The following INPP5D variants were observed in gnomAD, a reference collection of about 807,000 sequenced individuals.
The protein encoded by INPP5D is inositol polyphosphate-5-phosphatase D, also known as phosphatidylinositol 3,4,5-trisphosphate 5-phosphatase 1.
Under a neutral mutation model 122.9 loss-of-function variants are expected in INPP5D, and 33 were observed. That is an observed-to-expected ratio of 0.27 (90% CI 0.20 to 0.36). The LOEUF (loss-of-function observed/expected upper bound fraction) is 0.36. Ranked by LOEUF, INPP5D falls within the 10% of genes least tolerant of loss-of-function variation. The pLI is 1.00. For synonymous variants in INPP5D, 584 were observed against 576.2 expected, an observed-to-expected ratio of 1.01 and a Z score of -0.19; for missense variants, 1,053 against 1,412.7, an observed-to-expected ratio of 0.75 and a Z score of 4.08.
At chr2:233,173,258 C>A (rs962172716) in intron 17 of INPP5D, among the ~76,000 whole-genome samples, 5 of 151,274 alleles carry the variant, frequency 3.3e-5, no homozygotes, top group Non-Finnish European at 7.4e-5. Context: ...GGGCACTTAC[C>A]ATGAATGAAG....
intron 1 of INPP5D, among the ~76,000 whole-genome samples, chr2:233,062,095 C>G (rs755563963): frequency 6.6e-6 from 1 of 152,246 alleles, no homozygotes; most frequent in South Asian, 2.1e-4. Flanking sequence ...TTAGAAGGAG[C>G]AGGAAGATTC....
rs1228034383 is a variant in INPP5D, at chr2:233,204,661, G to C, written c.3511G>C (p.Gly1171Arg). ...YRDNTELPHH[G>R]KHRPEEGPPG... The stretch of plus-strand genomic sequence containing the variant: ...CGACAACACCGAGCTCCCGCATCAC[G>C]GCAAGCACCGGCCGGAGGAGGGGCC... The change falls in exon 26 of 27, where the codon GGC (glycine) becomes CGC (arginine). Residue 1171 changes from glycine (G) to arginine (R), a missense_variant. Gly to Arg is a moderately radical substitution (Grantham distance 125). Coordinates refer to ENST00000445964, the MANE Select transcript of INPP5D (RefSeq NM_001017915.3). 1.3e-6 allele frequency: 2 copies of C among 1,578,016 alleles called. No individual in the cohort carries two copies. Among genetic ancestry groups the C allele is most frequent in the Admixed American group, 3.5e-5 (2 of 56,426 alleles).
chr2:233,117,197 G>A (rs548764812), intron 2 of INPP5D, among the ~76,000 whole-genome samples: 28 of 152,244 alleles, frequency 1.8e-4, no homozygotes, highest in South Asian at 8.3e-4. Flanking sequence ...AATGGGGAAC[G>A]AAGTGTGGCA....
chr2:233,127,769 C>G (rs1267310653), intron 4 of INPP5D, among the ~76,000 whole-genome samples: 1 of 152,188 alleles, frequency 6.6e-6, no homozygotes, highest in Non-Finnish European at 1.5e-5. Flanking sequence ...CCACCACAAC[C>G]AGCTAATTTT....
chr2:233,157,956 C>A (rs1379952866), intron 9 of INPP5D, among the ~76,000 whole-genome samples: 2 of 147,972 alleles, frequency 1.4e-5, no homozygotes, highest in East Asian at 2.0e-4. Flanking sequence ...AAAAACAAAG[C>A]AAAAGAAGGA....
intron 5 of INPP5D, among the ~76,000 whole-genome samples, chr2:233,134,377 G>A (rs1397319918): frequency 6.6e-6 from 1 of 151,934 alleles, no homozygotes; most frequent in South Asian, 2.1e-4. Context: ...ATAGAGCCAG[G>A]CTCAAGATTT....
At chr2:233,169,008 T>C in intron 13 of INPP5D, 1 of 359,490 alleles carries the variant, frequency 2.8e-6, no homozygotes, top group Non-Finnish European at 5.3e-6. Flanking sequence ...TCCCAGGGCT[T>C]CTGGCTGCCC....
chr2:233,123,141 C>G (rs1693041354), intron 3 of INPP5D, among the ~76,000 whole-genome samples: 1 of 151,906 alleles, frequency 6.6e-6, no homozygotes, highest in African/African-American at 2.4e-5. Flanking sequence ...AAATACAACC[C>G]CTAAAAATAT....
At chr2:233,093,142 T>G (rs546423333) in intron 2 of INPP5D, among the ~76,000 whole-genome samples, 3 of 152,362 alleles carry the variant, frequency 2.0e-5, no homozygotes, top group Non-Finnish European at 4.4e-5. Context: ...CTCTCTTGTC[T>G]AATCTTTCTT....
Position 233,197,205 on chromosome 2 carries a change from G to A in INPP5D, c.2694-890G>A, listed in dbSNP as rs761422386. Among the ~76,000 whole-genome samples, 107 of 152,320 alleles carry A rather than the reference G, an allele frequency of 7.0e-4. 2 individuals carry two copies. Among genetic ancestry groups the A allele is most frequent in the Middle Eastern group, 6.8e-3 (2 of 294 alleles). Reference sequence around the variant, plus strand: ...CTCAGAACTCAGTTCTCAGGAGGCCGGTGCCTGACACAGTGGCAGCGTGCA... The same window carrying A: ...CTCAGAACTCAGTTCTCAGGAGGCCAGTGCCTGACACAGTGGCAGCGTGCA... On this transcript the variant is annotated intron_variant, in intron 24 of 26. Transcript: ENST00000445964. This position sits in a 1 kb window ranked among gnomAD's most constrained non-coding sequence, Gnocchi z 4.4.
intron 5 of INPP5D, among the ~76,000 whole-genome samples, chr2:233,131,725 A>G (rs912252383): frequency 1.3e-5 from 2 of 152,102 alleles, no homozygotes; most frequent in African/African-American, 4.8e-5. Context: ...CAAAGGAAAG[A>G]AAGGTCAACA....
intron 1 of INPP5D, among the ~76,000 whole-genome samples, chr2:233,072,873 G>A (rs1055872126): frequency 2.0e-5 from 3 of 152,238 alleles, no homozygotes; most frequent in Non-Finnish European, 4.4e-5. Context: ...ATGTTCAACA[G>A]GAGTGATAAA....
rs570868581 is a variant in INPP5D, at chr2:233,177,657, T to C, written c.2071+311T>C. 6.6e-6 allele frequency among the ~76,000 whole-genome samples: 1 copy of C among 152,296 alleles called. No individual in the cohort carries two copies. The highest frequency in any genetic ancestry group is 1.9e-4 in the East Asian group (1 of 5,188). ...GGCATGATCTCATCTCACCACAACTTCTACCTCCTGGGTTCAAGCGATTCT... is the reference window on the plus strand; with the variant it reads ...GGCATGATCTCATCTCACCACAACTCCTACCTCCTGGGTTCAAGCGATTCT... On this transcript the variant is annotated intron_variant, in intron 18 of 26. Transcript: ENST00000445964. This position sits in a 1 kb window ranked among gnomAD's most constrained non-coding sequence, Gnocchi z 4.2.
At position 233,184,263 on chromosome 2, in the gene INPP5D, C is replaced by T. The variant is rs576271716; in HGVS notation, c.2162-145C>T. 8.7e-5 allele frequency: 105 copies of T among 1,203,436 alleles called. No individual in the cohort carries two copies. In the Middle Eastern group the frequency reaches 9.4e-4, roughly 11 times the overall value. The allele number at this position is 1,203,436 out of a possible 1,614,324, so 74.5% of individuals were successfully genotyped here. On this transcript the variant is annotated intron_variant, in intron 19 of 26. Transcript: ENST00000445964. ...GGATGCTCGGCTGGGTGCTGGATTT[C>T]GCTGTAGCTTTAGTTCTCCTCCCAC...
chr2:233,151,209 G>A lies in INPP5D; in HGVS notation c.1030+3615G>A, dbSNP rs145238343. 8.3e-3 allele frequency among the ~76,000 whole-genome samples: 1,266 copies of A among 152,196 alleles called. 18 individuals are homozygous for A. Among genetic ancestry groups the A allele is most frequent in the African/African-American group, 0.029 (1,210 of 41,510 alleles). ...GGGCTATGCATGGGTGCAGTGGTACGCACCTGTATTCTTAGCTACTTGGGA... is the reference window on the plus strand; with the variant it reads ...GGGCTATGCATGGGTGCAGTGGTACACACCTGTATTCTTAGCTACTTGGGA... On this transcript the variant is annotated intron_variant, in intron 9 of 26. Transcript: ENST00000445964.
intron 2 of INPP5D, among the ~76,000 whole-genome samples, chr2:233,117,435 G>A (rs1012377186): frequency 4.6e-5 from 7 of 152,194 alleles, no homozygotes; most frequent in Non-Finnish European, 1.0e-4. Flanking sequence ...TTTGGCCAAT[G>A]GGAGCCGCAG....
At chr2:233,088,634 A>G (rs568833393) in intron 2 of INPP5D, among the ~76,000 whole-genome samples, 8 of 152,352 alleles carry the variant, frequency 5.3e-5, no homozygotes, top group African/African-American at 1.9e-4. Flanking sequence ...TTATGTAAAC[A>G]TGCAGCTCAT....
rs59316189 is a variant in INPP5D at position 233,176,356 on chromosome 2, G to GATGGATGGATGGATGA, written c.1990-907_1990-906insGGATGGATGGATGAAT. On this transcript the variant is annotated intron_variant, in intron 17 of 26. Transcript: ENST00000445964. ...GGATGGATGGATGGATGGATGGATG[G>GATGGATGGATGGATGA]ATAGGCGAATGGATAGGTGGGTGGG... Among the ~76,000 whole-genome samples, 651 of 139,096 alleles carry GATGGATGGATGGATGA rather than the reference G, an allele frequency of 4.7e-3. 10 individuals carry two copies. Among genetic ancestry groups the GATGGATGGATGGATGA allele is most frequent in the Middle Eastern group, 0.018 (5 of 282 alleles). The allele number at this position is 139,096 out of a possible 152,430, so 91.3% of individuals were successfully genotyped here. A position where few individuals can be genotyped will look rare whatever the true frequency, so the allele number is the denominator to read the frequency against.
intron 1 of INPP5D, among the ~76,000 whole-genome samples, chr2:233,070,587 T>G (rs1691351798): frequency 6.6e-6 from 1 of 151,962 alleles, no homozygotes; most frequent in Non-Finnish European, 1.5e-5. Flanking sequence ...GATTACAGGC[T>G]CCCGCCACCA....
Sources: allele counts gnomAD v4.1 joint callset (sites outside exome capture counted in the v4.1 genomes callset), GRCh38; gene constraint gnomAD v4.1.1; non-coding constraint Gnocchi (gnomAD v3.1); transcripts MANE v1.5; gene names NCBI Gene and HGNC (gene_info 2026-07-23, HGNC 2026-07-21).